The following DYM variants were observed in gnomAD, a reference collection of about 807,000 sequenced individuals.
DYM encodes the protein dymeclin, also known as dyggve-Melchior-Clausen syndrome protein.
In DYM, 78 loss-of-function variants were observed where a neutral mutation model predicts 93.1. That is an observed-to-expected ratio of 0.84 (90% CI 0.70 to 1.01). The LOEUF is 1.01. Ranked by LOEUF, DYM falls within the 50% of genes least tolerant of loss-of-function variation. The probability of loss-of-function intolerance (pLI) is 0.00; values close to 1 mark genes in which losing one functional copy is unlikely to be tolerated. For missense variants in DYM, 789 were observed against 845.0 expected, an observed-to-expected ratio of 0.93 and a Z score of 0.82; for synonymous variants, 321 against 319.7, an observed-to-expected ratio of 1.00 and a Z score of -0.04.
intron 9 of DYM, 43 bp downstream of exon 9, chr18:49,286,391 C>T: frequency 1.3e-6 from 2 of 1,590,924 alleles, no homozygotes; most frequent in Non-Finnish European, 8.6e-7. Flanking sequence ...ACAAGCAATA[C>T]TCTCCCCATT....
chr18:49,145,733 C>G (rs79816264), intron 15 of DYM, among the ~76,000 whole-genome samples: 8,331 of 152,154 alleles, frequency 0.055, 312 homozygotes, highest in Middle Eastern at 0.11. Flanking sequence ...GTGAATGTAC[C>G]AAAGCTTATT....
chr18:49,200,657 T>C (rs1189368348), intron 14 of DYM, among the ~76,000 whole-genome samples: 1 of 152,092 alleles, frequency 6.6e-6, no homozygotes, highest in Non-Finnish European at 1.5e-5. Context: ...TAAATTCCAA[T>C]ATATTAACAT....
intron 2 of DYM, among the ~76,000 whole-genome samples, chr18:49,424,583 A>G (rs2074072749): frequency 6.6e-6 from 1 of 152,058 alleles, no homozygotes; most frequent in South Asian, 2.1e-4. Context: ...AGGATATTCA[A>G]TTAGGAAAAG....
At chr18:49,155,708 A>C (rs985891531) in intron 15 of DYM, among the ~76,000 whole-genome samples, 1 of 152,260 alleles carries the variant, frequency 6.6e-6, no homozygotes, top group African/African-American at 2.4e-5. Context: ...AGAATGTATC[A>C]GCATTTAATT....
In DYM at chr18:49,403,329, G is replaced by A. The variant is rs2071069305; in HGVS notation, c.141-11684C>T. On this transcript the variant is annotated intron_variant, in intron 2 of 17. Transcript: ENST00000675505. The stretch of plus-strand genomic sequence containing the variant: ...ACATTAATGTTTCATTACAATAGAA[G>A]TATAAACCTAGTAGATGACAAAGAA... Among the ~76,000 whole-genome samples, 2 of 152,286 alleles carry A rather than the reference G, an allele frequency of 1.3e-5. 1 individual carries two copies. Among genetic ancestry groups the A allele is most frequent in the Middle Eastern group, 6.8e-3 (2 of 292 alleles).
intron 13 of DYM, among the ~76,000 whole-genome samples, chr18:49,227,995 C>T (rs2093588239): frequency 6.6e-6 from 1 of 152,106 alleles, no homozygotes. Context: ...CTTCTAGGTT[C>T]CCACTGTGCC....
chr18:49,195,827 T>G (rs1346297760), intron 14 of DYM, among the ~76,000 whole-genome samples: 1 of 152,040 alleles, frequency 6.6e-6, no homozygotes, highest in Non-Finnish European at 1.5e-5. Context: ...TTTAGTCAGG[T>G]AGTTTTACTG....
intron 6 of DYM, among the ~76,000 whole-genome samples, chr18:49,344,507 T>C (rs916929473): frequency 7.9e-5 from 12 of 152,170 alleles, no homozygotes; most frequent in African/African-American, 2.9e-4. Flanking sequence ...CAAGAATTAA[T>C]GCCTTAAAAA....
chr18:49,314,933 T>A (rs1354037369), intron 8 of DYM, among the ~76,000 whole-genome samples: 2 of 152,172 alleles, frequency 1.3e-5, no homozygotes, highest in Non-Finnish European at 2.9e-5. Flanking sequence ...CAGGCCGGTG[T>A]CTGAGGGGTG....
chr18:49,428,129 T>C (rs144720364), intron 2 of DYM, among the ~76,000 whole-genome samples: 1 of 151,782 alleles, frequency 6.6e-6, no homozygotes, highest in Non-Finnish European at 1.5e-5. Context: ...TATTGGTGCA[T>C]GCTACAACAT....
intron 13 of DYM, among the ~76,000 whole-genome samples, chr18:49,246,862 A>G (rs1292255107): frequency 1.3e-5 from 2 of 152,232 alleles, no homozygotes; most frequent in African/African-American, 4.8e-5. Flanking sequence ...AGCAGTATCA[A>G]CTGGCTACCT....
chr18:49,108,959 C>T (rs761938425), intron 16 of DYM, among the ~76,000 whole-genome samples: 36 of 151,938 alleles, frequency 2.4e-4, no homozygotes, highest in Admixed American at 3.3e-4. Flanking sequence ...CATGGAGTCC[C>T]TCTTTATCCC....
chr18:49,187,883 G>A (rs1310876265), intron 14 of DYM, among the ~76,000 whole-genome samples: 2 of 152,152 alleles, frequency 1.3e-5, no homozygotes, highest in East Asian at 3.8e-4. Context: ...AATAGGTATT[G>A]AGAAAGTGAG....
At chr18:49,411,903 A>AC (rs2072289638) in intron 2 of DYM, 1 of 152,174 alleles carries the variant, frequency 6.6e-6, no homozygotes, top group Non-Finnish European at 1.5e-5. Context: ...TTTCCCCCTT[A>AC]CCTTAGCAAA....
intron 13 of DYM, 103 bp from the exon 14 acceptor site, chr18:49,209,818 A>G (rs2092697588): frequency 1.5e-6 from 1 of 665,706 alleles, no homozygotes; most frequent in African/African-American, 1.9e-5. Context: ...TATCTTCACT[A>G]GATGGTGCCC....
At chr18:49,191,035 T>C (rs2090921491) in intron 14 of DYM, among the ~76,000 whole-genome samples, 1 of 149,182 alleles carries the variant, frequency 6.7e-6, no homozygotes, top group Non-Finnish European at 1.5e-5. Context: ...CAAAGTCATA[T>C]GCAAAGTTAT....
intron 15 of DYM, among the ~76,000 whole-genome samples, chr18:49,133,536 C>CAG (rs2083564758): frequency 6.6e-6 from 1 of 152,232 alleles, no homozygotes; most frequent in Admixed American, 6.5e-5. Flanking sequence ...AGAATCTCTT[C>CAG]TGAGTTCATT....
rs114309035 is a variant in DYM at position 49,371,826 on chromosome 18, C to T, written c.421+6741G>A. The stretch of plus-strand genomic sequence containing the variant: ...ACAAATTCTCCCTAACAATCTGCTA[C>T]CACATCATACATAGCCTATGGGAAA... On this transcript the variant is annotated intron_variant, in intron 5 of 17. Transcript: ENST00000675505. Among the ~76,000 whole-genome samples, 594 of 152,300 alleles carry T rather than the reference C, an allele frequency of 3.9e-3. 3 individuals are homozygous for T. Among genetic ancestry groups the T allele is most frequent in the African/African-American group, 0.014 (575 of 41,560 alleles).
chr18:49,209,005 A>G (rs2092658128), intron 14 of DYM, among the ~76,000 whole-genome samples: 1 of 152,202 alleles, frequency 6.6e-6, no homozygotes, highest in Admixed American at 6.5e-5. Flanking sequence ...TCCATGACAC[A>G]TTGCAACCTG....
Sources: gnomAD v4.1 joint callset for allele counts (sites outside exome capture counted in the v4.1 genomes callset) on GRCh38, gnomAD v4.1.1 for gene constraint, MANE v1.5 for transcripts, NCBI Gene and HGNC (gene_info 2026-07-23, HGNC 2026-07-21) for gene names.